ACOT7: variants seen among roughly 807,000 people sequenced by gnomAD.
ACOT7 encodes the protein cytosolic acyl coenzyme A thioester hydrolase.
A neutral mutation model predicts 40.2 loss-of-function variants in ACOT7; 12 were observed. That is an observed-to-expected ratio of 0.30 (90% CI 0.19 to 0.48). The LOEUF is 0.48. Ranked by LOEUF, ACOT7 falls within the 20% of genes least tolerant of loss-of-function variation. The probability of loss-of-function intolerance (pLI) is 0.99; values close to 1 mark genes in which losing one functional copy is unlikely to be tolerated. For missense variants in ACOT7, 395 were observed against 530.8 expected, an observed-to-expected ratio of 0.74 and a Z score of 2.51; for synonymous variants, 228 against 219.5, an observed-to-expected ratio of 1.04 and a Z score of -0.34.
chr1:6,372,473 T>C (rs769421706), intron 1 of ACOT7, among the ~76,000 whole-genome samples: 2 of 152,206 alleles, frequency 1.3e-5, no homozygotes, highest in Non-Finnish European at 2.9e-5. Flanking sequence ...CTTGGCTAAC[T>C]GTTTGGCACA....
chr1:6,281,358 GT>G, intron 7 of ACOT7, 72 bp from the exon 8 acceptor site: 1 of 1,396,124 alleles, frequency 7.2e-7, no homozygotes, highest in Non-Finnish European at 1.0e-6. Context: ...TGGCGTTTCT[GT>G]GGTCAGCAGG....
At chr1:6,341,986 CTCT>C (rs1641289992) in intron 2 of ACOT7, among the ~76,000 whole-genome samples, 1 of 152,174 alleles carries the variant, frequency 6.6e-6, no homozygotes, top group African/African-American at 2.4e-5. Context: ...CTGCTTTTCT[CTCT>C]TCATCTACCC....
At chr1:6,266,569 G>A (rs920153620) in intron 8 of ACOT7, among the ~76,000 whole-genome samples, 4 of 152,240 alleles carry the variant, frequency 2.6e-5, no homozygotes, top group African/African-American at 9.6e-5. Flanking sequence ...TGTGTAGCAG[G>A]GCCCTGCCCC....
chr1:6,303,048 G>T (rs894448663), intron 6 of ACOT7, among the ~76,000 whole-genome samples: 1 of 152,160 alleles, frequency 6.6e-6, no homozygotes. Flanking sequence ...CGCTTCTGAC[G>T]CTGGAAGCCA....
intron 5 of ACOT7, among the ~76,000 whole-genome samples, chr1:6,327,015 T>A (rs1640816577): frequency 6.6e-6 from 1 of 151,330 alleles, no homozygotes; most frequent in African/African-American, 2.4e-5. Context: ...TGTGAACAGG[T>A]GCACACCACC....
Position 6,281,144 on chromosome 1 carries a change from C to T in ACOT7, c.972G>A (p.Ser324=), listed in dbSNP as rs1452901260. 20 of 1,613,876 alleles carry T rather than the reference C, an allele frequency of 1.2e-5. No individual in the cohort carries two copies. Among genetic ancestry groups the T allele is most frequent in the Middle Eastern group, 3.3e-4 (2 of 6,084 alleles). The stretch of plus-strand genomic sequence containing the variant: ...GCAGCGACCTGCCTTCCTGGCTCAG[C>T]GACACGTAGGTGAAGAAGGCACTGG... The part of the protein sequence containing the change: ...RAASAFFTYV[S]LSQEGRSLPV... Residue 324 remains serine, a synonymous_variant, in exon 8 of 9, where the codon TCG becomes TCA. Transcript: ENST00000361521.
intron 5 of ACOT7, among the ~76,000 whole-genome samples, chr1:6,321,688 G>T (rs1238403719): frequency 6.6e-6 from 1 of 152,158 alleles, no homozygotes; most frequent in Non-Finnish European, 1.5e-5. Context: ...CTAATTTTTT[G>T]TATTTTTAGT....
intron 8 of ACOT7, among the ~76,000 whole-genome samples, chr1:6,271,960 CTGCAGGCA>C (rs1485350159): frequency 6.6e-6 from 1 of 152,284 alleles, no homozygotes; most frequent in East Asian, 1.9e-4. Flanking sequence ...GGAGCCCCTC[CTGCAGGCA>C]CGGAGTGCCG....
intron 7 of ACOT7, among the ~76,000 whole-genome samples, chr1:6,285,425 C>A (rs1205413908): frequency 6.6e-6 from 1 of 152,258 alleles, no homozygotes; most frequent in Admixed American, 6.5e-5. Flanking sequence ...TTCCTCCCTG[C>A]AAAAGGGTGG....
At chr1:6,371,088 C>T (rs1186343046) in intron 1 of ACOT7, among the ~76,000 whole-genome samples, 2 of 152,058 alleles carry the variant, frequency 1.3e-5, no homozygotes, top group East Asian at 1.9e-4. Context: ...GGATTACAGG[C>T]GTGAGCCACC....
At chr1:6,315,736 C>G (rs1640470680) in intron 6 of ACOT7, among the ~76,000 whole-genome samples, 1 of 101,900 alleles carries the variant, frequency 9.8e-6, no homozygotes, top group South Asian at 3.4e-4. Flanking sequence ...GGGTGGGCGA[C>G]AGAGTGAGAC....
At chr1:6,333,397 G>T in intron 4 of ACOT7, 80 bp downstream of exon 4, 1 of 1,519,848 alleles carries the variant, frequency 6.6e-7, no homozygotes, top group South Asian at 1.1e-5. Context: ...ACCCTTAGCT[G>T]AACGAGCCTC....
rs1160332254 is a variant in ACOT7 at position 6,306,015 on chromosome 1, C to T, written c.713-11035G>A. ...CAGCCCGGCCAACACAGCGAAACCC[C>T]GTCTCCACCAAAAAAATACGAAAAC... On this transcript the variant is annotated intron_variant, in intron 6 of 8. Transcript: ENST00000361521. This position sits in a 1 kb window ranked among gnomAD's most constrained non-coding sequence, Gnocchi z 4.3. Among the ~76,000 whole-genome samples the T allele has an allele frequency of 7.9e-4, 120 of 151,742 alleles. No individual in the cohort carries two copies. Among genetic ancestry groups the T allele is most frequent in the African/African-American group, 2.7e-3 (113 of 41,244 alleles).
At chr1:6,382,713 G>A (rs1384527428) in intron 1 of ACOT7, among the ~76,000 whole-genome samples, 1 of 151,614 alleles carries the variant, frequency 6.6e-6, no homozygotes, top group African/African-American at 2.4e-5. Flanking sequence ...CTACTCGGGT[G>A]GCTGAGGCAG....
intron 1 of ACOT7, among the ~76,000 whole-genome samples, chr1:6,379,133 A>T (rs934135695): frequency 1.3e-5 from 2 of 151,892 alleles, no homozygotes; most frequent in African/African-American, 4.8e-5. Context: ...TGACTTCATG[A>T]TCCGCCCACC....
intron 1 of ACOT7, among the ~76,000 whole-genome samples, chr1:6,366,997 G>C (rs1381973164): frequency 6.6e-6 from 1 of 152,018 alleles, no homozygotes; most frequent in Non-Finnish European, 1.5e-5. Context: ...AGGAGATGGA[G>C]ACCATGATGG....
chr1:6,307,690 C>T (rs1640196210), intron 6 of ACOT7, among the ~76,000 whole-genome samples: 1 of 151,828 alleles, frequency 6.6e-6, no homozygotes, highest in Non-Finnish European at 1.5e-5. Flanking sequence ...GGGACAGCAA[C>T]AGACAGAGGG....
intron 1 of ACOT7, among the ~76,000 whole-genome samples, chr1:6,381,529 A>ATTTTTTG: frequency 6.6e-6 from 1 of 151,910 alleles, no homozygotes; most frequent in East Asian, 1.9e-4. Flanking sequence ...AAAAACAGAA[A>ATTTTTTG]ATAACAAGTA....
intron 5 of ACOT7, among the ~76,000 whole-genome samples, chr1:6,319,269 T>A (rs1193956691): frequency 6.6e-6 from 1 of 152,238 alleles, no homozygotes; most frequent in Non-Finnish European, 1.5e-5. Flanking sequence ...CTCAGCTCAC[T>A]GTAGCCTCCG....
Sources: gnomAD v4.1 joint callset for allele counts (sites outside exome capture counted in the v4.1 genomes callset) on GRCh38, gnomAD v4.1.1 for gene constraint, Gnocchi (gnomAD v3.1) non-coding constraint, MANE v1.5 for transcripts, NCBI Gene and HGNC (gene_info 2026-07-23, HGNC 2026-07-21) for gene names.